The following GRM5 variants were observed in gnomAD, a reference collection of about 807,000 sequenced individuals.
The protein encoded by GRM5 is glutamate metabotropic receptor 5.
Under a neutral mutation model 83.1 loss-of-function variants are expected in GRM5, and 19 were observed. That is an observed-to-expected ratio of 0.23 (90% CI 0.16 to 0.34). GRM5 has a LOEUF of 0.34. Among genes scored for constraint, GRM5 ranks in the 10% least tolerant of loss-of-function variants. The probability of loss-of-function intolerance (pLI) is 1.00; values close to 1 mark genes in which losing one functional copy is unlikely to be tolerated. For missense variants in GRM5, 1,160 were observed against 1,588.3 expected, an observed-to-expected ratio of 0.73 and a Z score of 4.58; for synonymous variants, 675 against 633.6, an observed-to-expected ratio of 1.07 and a Z score of -0.98.
chr11:88,989,403 T>G (rs1405648697), intron 2 of GRM5, among the ~76,000 whole-genome samples: 1 of 128,918 alleles, frequency 7.8e-6, no homozygotes, highest in South Asian at 3.0e-4. Flanking sequence ...CTACCACACA[T>G]TAATAATGGG....
At chr11:88,754,041 A>G (rs951955945) in intron 3 of GRM5, among the ~76,000 whole-genome samples, 1 of 152,232 alleles carries the variant, frequency 6.6e-6, no homozygotes, top group South Asian at 2.1e-4. Context: ...GAACTACAAG[A>G]TGAGATTTGG....
intron 2 of GRM5, among the ~76,000 whole-genome samples, chr11:88,991,672 T>C (rs1939978481): frequency 6.6e-6 from 1 of 150,772 alleles, no homozygotes; most frequent in Non-Finnish European, 1.5e-5. Context: ...GAAATATAGA[T>C]CAATGGAACA....
chr11:88,749,000 C>T (rs963970551), intron 3 of GRM5, among the ~76,000 whole-genome samples: 2 of 152,116 alleles, frequency 1.3e-5, no homozygotes, highest in African/African-American at 4.8e-5. Context: ...AGAATCAACA[C>T]AAAAATGCTG....
chr11:88,520,054 T>A (rs1941638039), intron 9 of GRM5, among the ~76,000 whole-genome samples: 1 of 152,204 alleles, frequency 6.6e-6, no homozygotes, highest in South Asian at 2.1e-4. Context: ...GAGATTGCTC[T>A]ACTGTGTATG....
chr11:88,870,795 A>G (rs1451298747), intron 2 of GRM5, among the ~76,000 whole-genome samples: 1 of 151,552 alleles, frequency 6.6e-6, no homozygotes, highest in East Asian at 1.9e-4. Context: ...TGTACGTGTA[A>G]AAATGAGAGG....
chr11:88,611,599 CTCTT>C (rs1453402658), intron 4 of GRM5, among the ~76,000 whole-genome samples: 7 of 152,056 alleles, frequency 4.6e-5, no homozygotes, highest in South Asian at 2.1e-4. Flanking sequence ...TTTGGATCTT[CTCTT>C]TCTTTCTTTA....
At chr11:89,037,006 AC>A (rs1054164840) in intron 2 of GRM5, among the ~76,000 whole-genome samples, 26 of 152,198 alleles carry the variant, frequency 1.7e-4, no homozygotes, top group African/African-American at 6.3e-4. Flanking sequence ...TTTTTGGGAC[AC>A]TCAGAGAATA....
At chr11:88,769,369 T>G (rs1445982656) in intron 3 of GRM5, among the ~76,000 whole-genome samples, 1 of 107,160 alleles carries the variant, frequency 9.3e-6, no homozygotes, top group East Asian at 2.2e-4. Flanking sequence ...CACATTTATT[T>G]CTTTGTTTTG....
intron 3 of GRM5, among the ~76,000 whole-genome samples, chr11:88,841,468 G>A (rs1375571723): frequency 6.6e-6 from 1 of 152,086 alleles, no homozygotes; most frequent in Admixed American, 6.5e-5. Context: ...CTAAATGTAT[G>A]CCTTTCTTAT....
At chr11:88,795,079 G>C (rs554231818) in intron 3 of GRM5, among the ~76,000 whole-genome samples, 2 of 152,164 alleles carry the variant, frequency 1.3e-5, no homozygotes, top group African/African-American at 2.4e-5. Flanking sequence ...AACAATCAGA[G>C]CTAGAACATG....
At chr11:88,694,544 T>C (rs1418748625) in intron 3 of GRM5, among the ~76,000 whole-genome samples, 1 of 111,704 alleles carries the variant, frequency 9.0e-6, no homozygotes, top group Non-Finnish European at 1.8e-5. Context: ...CCATCCTTCT[T>C]AGAGAACTAT....
At chr11:88,613,057 G>A (rs1390044444) in intron 4 of GRM5, 1 of 152,126 alleles carries the variant, frequency 6.6e-6, no homozygotes, top group Non-Finnish European at 1.5e-5. Flanking sequence ...TGTGGTCTGA[G>A]GGTGTGTTGG....
At chr11:88,906,441 A>T (rs1945405697) in intron 2 of GRM5, among the ~76,000 whole-genome samples, 1 of 152,074 alleles carries the variant, frequency 6.6e-6, no homozygotes. Context: ...TATTTGTACC[A>T]TTGTAGAAGT....
intron 9 of GRM5, among the ~76,000 whole-genome samples, chr11:88,521,233 T>G (rs761996524): frequency 6.6e-6 from 1 of 151,934 alleles, no homozygotes; most frequent in Non-Finnish European, 1.5e-5. Flanking sequence ...CTGGCCAACA[T>G]AGTGAAACCC....
intron 4 of GRM5, among the ~76,000 whole-genome samples, chr11:88,637,176 C>A (rs1469909275): frequency 6.6e-6 from 1 of 152,152 alleles, no homozygotes; most frequent in Non-Finnish European, 1.5e-5. Context: ...AAGACTTAAA[C>A]GTTAGACCTA....
At chr11:88,737,718 A>T (rs1941948156) in intron 3 of GRM5, among the ~76,000 whole-genome samples, 1 of 152,070 alleles carries the variant, frequency 6.6e-6, no homozygotes, top group African/African-American at 2.4e-5. Flanking sequence ...GCTTGTCATG[A>T]TTTTAAGCAG....
intron 2 of GRM5, among the ~76,000 whole-genome samples, chr11:88,994,485 A>ATATATATG (rs1491507869): frequency 2.1e-4 from 26 of 123,492 alleles, no homozygotes; most frequent in African/African-American, 7.9e-4. Flanking sequence ...ATATATATAT[A>ATATATATG]TTACAATTGC....
intron 2 of GRM5, among the ~76,000 whole-genome samples, chr11:88,858,307 T>C (rs1049212991): frequency 2.0e-5 from 3 of 152,072 alleles, no homozygotes; most frequent in Admixed American, 6.6e-5. Context: ...TGTAGATAAG[T>C]TATAAGTTTA....
At chr11:88,859,431 C>G (rs180934979) in intron 2 of GRM5, among the ~76,000 whole-genome samples, 1 of 151,962 alleles carries the variant, frequency 6.6e-6, no homozygotes, top group African/African-American at 2.4e-5. Flanking sequence ...TATCTAGATC[C>G]TGTAAAATTA....
Sources: gnomAD v4.1 joint callset for allele counts (sites outside exome capture counted in the v4.1 genomes callset) on GRCh38, gnomAD v4.1.1 for gene constraint, MANE v1.5 for transcripts, NCBI Gene and HGNC (gene_info 2026-07-23, HGNC 2026-07-21) for gene names.